The following IKZF1 variants were observed in gnomAD, a reference collection of about 807,000 sequenced individuals.
IKZF1 encodes the protein IKAROS family zinc finger 1.
IKZF1 carries 10 observed loss-of-function variants against 51.7 expected under a neutral mutation model. That is an observed-to-expected ratio of 0.19 (90% CI 0.12 to 0.33). The LOEUF (loss-of-function observed/expected upper bound fraction) is 0.33, where lower values mean the gene tolerates loss of function less well. IKZF1 is among the 10% of genes least tolerant of loss of function. The pLI, the probability that IKZF1 is intolerant of heterozygous loss-of-function variation, is 1.00. For missense variants in IKZF1, 484 were observed against 707.5 expected (o/e 0.68, Z 3.58); for synonymous variants, 280 against 282.3 (o/e 0.99, Z 0.08).
intron 3 of IKZF1, among the ~76,000 whole-genome samples, chr7:50,358,289 G>A (rs1804113811): frequency 6.6e-6 from 1 of 152,218 alleles, no homozygotes; most frequent in Admixed American, 6.5e-5. Context: ...CTAAGAAACA[G>A]CTGATATCTA....
chr7:50,338,512 A>G (rs1447511160), intron 3 of IKZF1, among the ~76,000 whole-genome samples: 1 of 152,208 alleles, frequency 6.6e-6, no homozygotes, highest in African/African-American at 2.4e-5. Context: ...AAATGGGGAA[A>G]AAAAGGCTGG....
At chr7:50,323,103 A>G (rs1429809690) in intron 2 of IKZF1, among the ~76,000 whole-genome samples, 2 of 152,264 alleles carry the variant, frequency 1.3e-5, no homozygotes, top group Admixed American at 1.3e-4. Context: ...CAAGTTAAGC[A>G]TAGTAAATCA....
chr7:50,395,304 C>T (rs1047302130), intron 7 of IKZF1, among the ~76,000 whole-genome samples: 3 of 151,962 alleles, frequency 2.0e-5, no homozygotes, highest in Non-Finnish European at 2.9e-5. Flanking sequence ...TCATACATGC[C>T]TTAAATTCAA....
At chr7:50,343,095 C>T (rs1394604972) in intron 3 of IKZF1, among the ~76,000 whole-genome samples, 2 of 145,854 alleles carry the variant, frequency 1.4e-5, no homozygotes, top group Admixed American at 7.0e-5. Context: ...TCTTTCCTTC[C>T]TTCTTTCCTC....
At chr7:50,315,765 C>G (rs542225986) in intron 1 of IKZF1, among the ~76,000 whole-genome samples, 2 of 152,236 alleles carry the variant, frequency 1.3e-5, no homozygotes, top group African/African-American at 4.8e-5. Flanking sequence ...CATTAGCTTG[C>G]TTTGTGATTA....
chr7:50,370,920 T>C (rs938911230), intron 3 of IKZF1, among the ~76,000 whole-genome samples: 1 of 152,182 alleles, frequency 6.6e-6, no homozygotes, highest in Non-Finnish European at 1.5e-5. Flanking sequence ...ATACCACAGC[T>C]AAGCAGTTCC....
At chr7:50,318,274 C>T in intron 1 of IKZF1, 2 of 231,222 alleles carry the variant, frequency 8.6e-6, no homozygotes, top group Non-Finnish European at 1.7e-5. Flanking sequence ...CGAAGGGCAG[C>T]ATCTTCCCAG....
intron 5 of IKZF1, among the ~76,000 whole-genome samples, chr7:50,383,026 T>C (rs763808118): frequency 2.6e-5 from 4 of 152,168 alleles, no homozygotes; most frequent in Non-Finnish European, 5.9e-5. Flanking sequence ...CCTAAAGGAT[T>C]TTGCGGGAAA....
At chr7:50,328,435 A>G (rs1415582049) in intron 3 of IKZF1, 1 of 152,258 alleles carries the variant, frequency 6.6e-6, no homozygotes, top group Non-Finnish European at 1.5e-5. Context: ...TGACAGAGTC[A>G]GAATTGAACT....
At position 50,403,957 on chromosome 7, in the gene IKZF1, T is replaced by C. The variant is rs995593654; in HGVS notation, c.*3330T>C. ...TTCCTTTCTTCAGTTCCAGCAATAA[T>C]GAATGGTCAACTTTTTTAAAATCTA... is the stretch of plus-strand genomic sequence containing the variant. On this transcript the variant is annotated 3_prime_UTR_variant, in exon 8 of 8. Coordinates refer to ENST00000331340, the MANE Select transcript of IKZF1 (RefSeq NM_006060.6). 1 of 215,100 alleles carries C rather than the reference T, an allele frequency of 4.6e-6. No homozygotes were observed. Among genetic ancestry groups the C allele is most frequent in the Non-Finnish European group, 9.4e-6 (1 of 106,390 alleles). 13.3% of individuals were successfully genotyped at this position (215,100 alleles called of 1,614,324 possible). A position where few individuals can be genotyped will look rare whatever the true frequency, so the allele number is the denominator to read the frequency against.
At chr7:50,344,129 C>A (rs1469306994) in intron 3 of IKZF1, among the ~76,000 whole-genome samples, 3 of 152,224 alleles carry the variant, frequency 2.0e-5, no homozygotes, top group African/African-American at 7.2e-5. Flanking sequence ...CTCTGCCTTA[C>A]CAGAATCGGG....
At chr7:50,357,654 C>T (rs1459416182) in intron 3 of IKZF1, among the ~76,000 whole-genome samples, 2 of 152,158 alleles carry the variant, frequency 1.3e-5, no homozygotes, top group Non-Finnish European at 2.9e-5. Flanking sequence ...GAGACTCCCT[C>T]GGGGTTTGCA....
intron 7 of IKZF1, among the ~76,000 whole-genome samples, chr7:50,394,507 C>G (rs1456789837): frequency 6.6e-6 from 1 of 152,162 alleles, no homozygotes; most frequent in African/African-American, 2.4e-5. Context: ...AGAGTCAGCT[C>G]CAGCTAGGAG....
intron 4 of IKZF1, chr7:50,377,186 C>G (rs1481296187): frequency 5.4e-6 from 1 of 184,534 alleles, no homozygotes; most frequent in Non-Finnish European, 1.1e-5. Flanking sequence ...AAAGTTTCCA[C>G]TGAGAAACCA....
intron 3 of IKZF1, among the ~76,000 whole-genome samples, chr7:50,334,557 T>C (rs1234425735): frequency 6.6e-6 from 1 of 151,060 alleles, no homozygotes; most frequent in Non-Finnish European, 1.5e-5. Context: ...GCTGTGTATA[T>C]GTATATGGGG....
At chr7:50,318,927 T>G in intron 1 of IKZF1, 121 bp from the exon 2 acceptor site, 1 of 612,014 alleles carries the variant, frequency 1.6e-6, no homozygotes, top group East Asian at 2.6e-5. Flanking sequence ...AGGAGGAAAA[T>G]GCATTATTCT....
At chr7:50,355,605 A>G (rs1803094676) in intron 3 of IKZF1, among the ~76,000 whole-genome samples, 1 of 140,066 alleles carries the variant, frequency 7.1e-6, no homozygotes, top group Admixed American at 7.4e-5. Flanking sequence ...CCAAAGTTTA[A>G]TGTGTTAGCT....
chr7:50,327,860 C>G, intron 3 of IKZF1, 103 bp downstream of exon 3: 1 of 1,275,024 alleles, frequency 7.8e-7, no homozygotes, highest in Non-Finnish European at 1.1e-6. Context: ...CCATTGTGTT[C>G]CCTCAACTGG....
intron 3 of IKZF1, among the ~76,000 whole-genome samples, chr7:50,341,840 T>G (rs966686787): frequency 6.6e-6 from 1 of 152,252 alleles, no homozygotes; most frequent in Non-Finnish European, 1.5e-5. Flanking sequence ...TGTATTTTTT[T>G]TTTATCTTCA....
Sources: gnomAD v4.1 joint callset for allele counts (sites outside exome capture counted in the v4.1 genomes callset) on GRCh38, gnomAD v4.1.1 for gene constraint, MANE v1.5 for transcripts, NCBI Gene and HGNC (gene_info 2026-07-23, HGNC 2026-07-21) for gene names.